ZEB2: variants seen among roughly 807,000 people sequenced by gnomAD.
ZEB2 encodes zinc finger E-box-binding homeobox 2.
A neutral mutation model predicts 99.9 loss-of-function variants in ZEB2; 6 were observed. The observed-to-expected ratio is 0.06, with a 90% CI of 0.03 to 0.12. The LOEUF is 0.12. Among genes scored for constraint, ZEB2 ranks in the 10% least tolerant of loss-of-function variants. The pLI is 1.00. For synonymous variants in ZEB2, 517 were observed against 542.5 expected, an observed-to-expected ratio of 0.95 and a Z score of 0.65; for missense variants, 969 against 1,502.8, an observed-to-expected ratio of 0.64 and a Z score of 5.87.
At chr2:144,449,287 G>C (rs1385680293) in intron 2 of ZEB2, among the ~76,000 whole-genome samples, 1 of 152,254 alleles carries the variant, frequency 6.6e-6, no homozygotes, top group South Asian at 2.1e-4. Flanking sequence ...GAAGACAGGG[G>C]GAGCTATTCA....
chr2:144,496,279 A>T (rs1156659609), intron 2 of ZEB2: 1 of 152,186 alleles, frequency 6.6e-6, no homozygotes, highest in Non-Finnish European at 1.5e-5. Context: ...CATGAATTAG[A>T]TCAGCAAGAA....
chr2:144,510,250 T>C (rs1329823027), intron 2 of ZEB2, among the ~76,000 whole-genome samples: 1 of 152,118 alleles, frequency 6.6e-6, no homozygotes, highest in Non-Finnish European at 1.5e-5. Flanking sequence ...AATGGGAAAG[T>C]CTTTTCCAGT....
intron 4 of ZEB2, among the ~76,000 whole-genome samples, chr2:144,412,651 C>T (rs978011009): frequency 3.3e-5 from 5 of 152,228 alleles, no homozygotes; most frequent in South Asian, 4.1e-4. Context: ...CAAATTCAAT[C>T]CTCTGCCTCG....
intron 4 of ZEB2, among the ~76,000 whole-genome samples, chr2:144,420,401 T>A (rs1256225219): frequency 6.6e-6 from 1 of 152,076 alleles, no homozygotes; most frequent in East Asian, 1.9e-4. Context: ...GCTTCATTAT[T>A]TATTTAATTA....
intron 2 of ZEB2, among the ~76,000 whole-genome samples, chr2:144,481,423 A>G (rs970893719): frequency 1.6e-4 from 24 of 152,308 alleles, no homozygotes; most frequent in Non-Finnish European, 3.5e-4. Context: ...AGCAACATGG[A>G]AATTGTATTT....
rs929747664 is a variant in ZEB2 at position 144,473,375 on chromosome 2, G to A, written c.74-43349C>T. Among the ~76,000 whole-genome samples, 5 of 152,170 alleles carry A rather than the reference G, an allele frequency of 3.3e-5. 1 individual carries two copies. The highest frequency in any genetic ancestry group is 2.6e-4 in the Admixed American group (4 of 15,260). Reference sequence around the variant, plus strand: ...GTGTCATTAAGTTTTGAGGTCTCTTGTGGGAAGAGTGCTATGTGGTCCTAA... The same window carrying A: ...GTGTCATTAAGTTTTGAGGTCTCTTATGGGAAGAGTGCTATGTGGTCCTAA... On this transcript the variant is annotated intron_variant, in intron 2 of 9. Coordinates refer to ENST00000627532, the MANE Select transcript of ZEB2 (RefSeq NM_014795.4).
intron 2 of ZEB2, chr2:144,503,857 G>C (rs1704909786): frequency 6.6e-6 from 1 of 151,960 alleles, no homozygotes; most frequent in African/African-American, 2.4e-5. Flanking sequence ...GGCATTATTT[G>C]ACAGAGAACT....
chr2:144,390,664 G>A (rs186958337), intron 9 of ZEB2: 1 of 157,862 alleles, frequency 6.3e-6, no homozygotes, highest in Non-Finnish European at 1.4e-5. Flanking sequence ...GTATATCATG[G>A]AGGCTGAACT....
intron 2 of ZEB2, among the ~76,000 whole-genome samples, chr2:144,438,851 C>T (rs954489934): frequency 6.6e-6 from 1 of 152,232 alleles, no homozygotes; most frequent in Non-Finnish European, 1.5e-5. Flanking sequence ...CATAGCAACA[C>T]CCTGACTAGG....
At chr2:144,498,212 G>C (rs559073252) in intron 2 of ZEB2, among the ~76,000 whole-genome samples, 1 of 137,170 alleles carries the variant, frequency 7.3e-6, no homozygotes, top group East Asian at 2.0e-4. Context: ...TAAGCTCATA[G>C]GGCACTACGA....
At position 144,429,972 on chromosome 2, in the gene ZEB2, T is replaced by C. The variant is rs771719994; in HGVS notation, c.128A>G (p.Lys43Arg). The change falls in exon 3 of 10, where the codon AAG becomes AGG. Residue 43 changes from lysine (K) to arginine (R), a missense_variant. Transcript: ENST00000627532. ...DTGSETDEEDKLHIAEDDGIA... is the reference protein window; with the variant it reads ...DTGSETDEEDRLHIAEDDGIA... ...ACCGTCATCCTCAGCAATATGAAGCTTGTCTTCCTCATCTGTTTCAGAACC... is the reference window on the plus strand; with the variant it reads ...ACCGTCATCCTCAGCAATATGAAGCCTGTCTTCCTCATCTGTTTCAGAACC... 2.5e-6 allele frequency: 4 copies of C among 1,613,916 alleles called. No individual in the cohort carries two copies. The Admixed American group carries it at 6.7e-5, about 27-fold the overall frequency.
intron 2 of ZEB2, chr2:144,496,908 G>C (rs780544973): frequency 6.6e-6 from 1 of 152,068 alleles, no homozygotes; most frequent in African/African-American, 2.4e-5. Flanking sequence ...AACATGGTTC[G>C]CAAGCTCACC....
At position 144,437,932 on chromosome 2, in the gene ZEB2, G is replaced by T. The variant is rs550539108; in HGVS notation, c.74-7906C>A. 2.0e-5 allele frequency among the ~76,000 whole-genome samples: 3 copies of T among 152,190 alleles called. No individual in the cohort carries two copies. The South Asian group carries it at 6.2e-4, about 32-fold the overall frequency. ...AAAATTTTCTCTGATTGTTTTAGTT[G>T]CCCCACCCTAAACCTTGTCTGTAAC... On this transcript the variant is annotated intron_variant, in intron 2 of 9. Coordinates refer to ENST00000627532, the MANE Select transcript of ZEB2 (RefSeq NM_014795.4).
chr2:144,474,765 C>T (rs148907844), intron 2 of ZEB2, among the ~76,000 whole-genome samples: 38 of 152,198 alleles, frequency 2.5e-4, no homozygotes, highest in African/African-American at 8.4e-4. Context: ...TCATTACCCT[C>T]GTTATTATTT....
intron 4 of ZEB2, among the ~76,000 whole-genome samples, chr2:144,422,231 T>C (rs1703628021): frequency 2.0e-5 from 3 of 152,200 alleles, no homozygotes; most frequent in Admixed American, 2.0e-4. Flanking sequence ...TGTCTGGTGC[T>C]TTATATTCTC....
intron 2 of ZEB2, chr2:144,448,822 C>T (rs1704019281): frequency 6.6e-6 from 1 of 152,330 alleles, no homozygotes; most frequent in African/African-American, 2.4e-5. Flanking sequence ...TCCCCACTCG[C>T]AGGCAGTGGC....
chr2:144,457,580 C>T (rs1160423661), intron 2 of ZEB2, among the ~76,000 whole-genome samples: 1 of 152,004 alleles, frequency 6.6e-6, no homozygotes, highest in Non-Finnish European at 1.5e-5. Context: ...AAGGCAAGGT[C>T]AAGAGCAACT....
Position 144,404,967 on chromosome 2 carries a change from T to A in ZEB2, c.461A>T (p.Glu154Val). Reference protein sequence around the residue: ...FEEYFAKRKLEERDGHAVSIE... With the variant: ...FEEYFAKRKLVERDGHAVSIE... ...GCTGACTGCATGACCATCGCGTTCC[T>A]CCAGTTTTCTTTTGGCAAAGTATTC... The change falls in exon 5 of 10, where the codon GAG becomes GTG. Residue 154 changes from glutamate (E) to valine (V), a missense_variant. Glu to Val is a moderately radical substitution (Grantham distance 121). Coordinates refer to ENST00000627532, the MANE Select transcript of ZEB2 (RefSeq NM_014795.4). 6.2e-7 allele frequency: 1 copy of A among 1,614,248 alleles called. No homozygotes were observed. Among genetic ancestry groups the A allele is most frequent in the South Asian group, 1.1e-5 (1 of 91,090 alleles).
chr2:144,429,217 A>T (rs1485195075), intron 3 of ZEB2: 1 of 158,208 alleles, frequency 6.3e-6, no homozygotes, highest in Non-Finnish European at 1.4e-5. Flanking sequence ...TACTTAGCTG[A>T]TAAATAATAA....
Sources: allele counts gnomAD v4.1 joint callset (sites outside exome capture counted in the v4.1 genomes callset), GRCh38; gene constraint gnomAD v4.1.1; transcripts MANE v1.5; gene names NCBI Gene and HGNC (gene_info 2026-07-23, HGNC 2026-07-21).